MS4A14: variants seen among roughly 807,000 people sequenced by gnomAD.
The protein encoded by MS4A14 is membrane spanning 4-domains A14.
A neutral mutation model predicts 16.7 loss-of-function variants in MS4A14; 18 were observed. The observed-to-expected ratio is 1.08, with a 90% CI of 0.75 to 1.60. MS4A14 has a LOEUF of 1.60. Ranked by LOEUF, MS4A14 falls within the 40% of genes most tolerant of loss-of-function variation. MS4A14 has a pLI of 0.00. For synonymous variants in MS4A14, 305 were observed against 289.4 expected, an observed-to-expected ratio of 1.05 and a Z score of -0.55; for missense variants, 812 against 775.3, an observed-to-expected ratio of 1.05 and a Z score of -0.56.
chr11:60,401,878 A>C (rs1416221255), intron 3 of MS4A14, among the ~76,000 whole-genome samples: 1 of 152,178 alleles, frequency 6.6e-6, no homozygotes, highest in Admixed American at 6.5e-5. Context: ...TTGCAATAAA[A>C]ACCTGGGATT....
rs1565171745 is a variant in MS4A14 at position 60,396,640 on chromosome 11, CTG to C, written c.64_65del (p.Val22IlefsTer10). The C allele has an allele frequency of 6.2e-7, 1 of 1,613,948 alleles. No homozygotes were observed. The highest frequency in any genetic ancestry group is 8.5e-7 in the Non-Finnish European group (1 of 1,179,952). The stretch of plus-strand genomic sequence containing the variant: ...GTCATCACTATAAAACCAAACGAAA[CTG>C]TATTGACTGCATTTCCCTACAGACC... On this transcript the variant is annotated frameshift_variant, in exon 1 of 5. Transcript: ENST00000300187. LOFTEE classifies it high-confidence loss of function.
At position 60,396,532 on chromosome 11, in the gene MS4A14, G is replaced by T. The variant is rs1411449316; in HGVS notation, c.-47G>T. ...GGAGAGGTAGATCATGATTTGGGCGGCAATGTTTGCTCACTCTTTCCCTTA... is the reference window on the plus strand; with the variant it reads ...GGAGAGGTAGATCATGATTTGGGCGTCAATGTTTGCTCACTCTTTCCCTTA... On this transcript the variant is annotated 5_prime_UTR_variant, in exon 1 of 5. Transcript: ENST00000300187. 6.3e-7 allele frequency: 1 copy of T among 1,594,852 alleles called. No homozygotes were observed. The highest frequency in any genetic ancestry group is 1.2e-5 in the South Asian group (1 of 86,886).
chr11:60,399,749 TC>T (rs1356611680), intron 2 of MS4A14, among the ~76,000 whole-genome samples: 1 of 151,994 alleles, frequency 6.6e-6, no homozygotes, highest in East Asian at 1.9e-4. Context: ...GACTTGGCAA[TC>T]CAATGTGGGG....
At chr11:60,398,902 C>T (rs947674829) in intron 2 of MS4A14, among the ~76,000 whole-genome samples, 6 of 152,168 alleles carry the variant, frequency 3.9e-5, no homozygotes, top group Non-Finnish European at 7.3e-5. Context: ...ATCAAACAGA[C>T]CAACCCCTCA....
At chr11:60,405,198 G>A (rs1207575893) in intron 4 of MS4A14, among the ~76,000 whole-genome samples, 3 of 151,992 alleles carry the variant, frequency 2.0e-5, no homozygotes, top group East Asian at 1.9e-4. Context: ...TCCTGCCTCA[G>A]CCTCCCGAGT....
At position 60,416,885 on chromosome 11, in the gene MS4A14, G is replaced by T; in HGVS notation, c.1917G>T (p.Leu639=). Residue 639 remains leucine, a synonymous_variant, in exon 5 of 5, where the codon CTG becomes CTT. Transcript: ENST00000300187. The part of the protein sequence containing the change: ...QQAQVEKVPK[L]LCQDSESQIQ... ...CTCAGGTGGAGAAAGTGCCAAAACT[G>T]TTATGCCAAGATTCAGAATCCCAAA... The T allele has an allele frequency of 6.2e-7, 1 of 1,613,682 alleles. No homozygotes were observed. The highest frequency in any genetic ancestry group is 8.5e-7 in the Non-Finnish European group (1 of 1,179,760).
At position 60,397,926 on chromosome 11, in the gene MS4A14, C is replaced by T; in HGVS notation, c.213C>T (p.Ser71=). The change falls in exon 2 of 5, where the codon TCC becomes TCT. Residue 71 remains serine, a synonymous_variant. Coordinates refer to ENST00000300187, the MANE Select transcript of MS4A14 (RefSeq NM_032597.5). ...TIFALNYIGF[S]QRLPLVVLTG... ...TTGCACTTAATTACATCGGTTTCTCCCAAAGACTTCCCCTTGTTGTCCTCA... is the reference window on the plus strand; with the variant it reads ...TTGCACTTAATTACATCGGTTTCTCTCAAAGACTTCCCCTTGTTGTCCTCA... 6.2e-7 allele frequency: 1 copy of T among 1,613,502 alleles called. No individual in the cohort carries two copies. Among genetic ancestry groups the T allele is most frequent in the Non-Finnish European group, 8.5e-7 (1 of 1,179,558 alleles).
In MS4A14 at chr11:60,415,845, C is replaced by G; in HGVS notation, c.877C>G (p.Leu293Val). The change falls in exon 5 of 5, where the codon CTT becomes GTT. Residue 293 changes from leucine (L) to valine (V), a missense_variant. Coordinates refer to ENST00000300187, the MANE Select transcript of MS4A14 (RefSeq NM_032597.5). ...IVQPSQMQTK[L>V]LQDQAASLQV... Reference sequence around the variant, plus strand: ...ACAACCTTCTCAAATGCAAACCAAGCTTCTGCAGGACCAAGCTGCGTCACT... The same window carrying G: ...ACAACCTTCTCAAATGCAAACCAAGGTTCTGCAGGACCAAGCTGCGTCACT... 2.5e-6 allele frequency: 4 copies of G among 1,613,868 alleles called. No homozygotes were observed. Among genetic ancestry groups the G allele is most frequent in the Non-Finnish European group, 3.4e-6 (4 of 1,179,920 alleles).
chr11:60,412,354 T>C (rs1304529996), intron 4 of MS4A14, among the ~76,000 whole-genome samples: 1 of 151,706 alleles, frequency 6.6e-6, no homozygotes, highest in Admixed American at 6.6e-5. Flanking sequence ...GGTGAAGCCA[T>C]CTGATCCAGA....
chr11:60,396,496 G>T lies in MS4A14; in HGVS notation c.-83G>T. On this transcript the variant is annotated 5_prime_UTR_variant, in exon 1 of 5. An upstream start codon of the reference 5' UTR is lost. Coordinates refer to ENST00000300187, the MANE Select transcript of MS4A14 (RefSeq NM_032597.5). ...AAGGGCTCATCTCTGAGGGCTCCAT[G>T]TGACTCTGGTGGAGAGGTAGATCAT... 2.6e-6 allele frequency: 4 copies of T among 1,510,002 alleles called. No homozygotes were observed. Among genetic ancestry groups the T allele is most frequent in the Non-Finnish European group, 3.6e-6 (4 of 1,112,396 alleles). 93.5% of individuals were successfully genotyped at this position (1,510,002 alleles called of 1,614,324 possible). A position where few individuals can be genotyped will look rare whatever the true frequency, so the allele number is the denominator to read the frequency against.
Position 60,416,749 on chromosome 11 carries a change from A to G in MS4A14, c.1781A>G (p.Glu594Gly). ...GTTAAAGACCAGCAGACTGATAAGG[A>G]GCAAAACTCAAAGAAGCAAACCCAG... Reference protein sequence around the residue: ...GQVKDQQTDKEQNSKKQTQDQ... With the variant: ...GQVKDQQTDKGQNSKKQTQDQ... Residue 594 changes from glutamate (E) to glycine (G), a missense_variant, in exon 5 of 5, where the codon GAG becomes GGG. Glu to Gly is a moderately conservative substitution (Grantham distance 98). Transcript: ENST00000300187. 1 of 1,613,646 alleles carries G rather than the reference A, an allele frequency of 6.2e-7. No homozygotes were observed. Among genetic ancestry groups the G allele is most frequent in the Non-Finnish European group, 8.5e-7 (1 of 1,179,838 alleles).
At chr11:60,413,511 T>C (rs1157247586) in intron 4 of MS4A14, among the ~76,000 whole-genome samples, 5 of 152,064 alleles carry the variant, frequency 3.3e-5, no homozygotes, top group Non-Finnish European at 7.4e-5. Context: ...GAATGGGTAT[T>C]GGCTTTTGTC....
At chr11:60,403,515 A>G (rs540868206) in intron 4 of MS4A14, among the ~76,000 whole-genome samples, 117 of 152,362 alleles carry the variant, frequency 7.7e-4, no homozygotes, top group African/African-American at 2.8e-3. Context: ...AGATCAAAAT[A>G]CAGTGGGGGA....
rs1298211068 is a variant in MS4A14 at position 60,416,786 on chromosome 11, T to G, written c.1818T>G (p.Thr606=). ...NSKKQTQDQQ[T]EDQPAQEKKS... ...AGAAGCAAACCCAGGATCAGCAAACTGAAGACCAGCCGGCCCAAGAGAAGA... is the reference window on the plus strand; with the variant it reads ...AGAAGCAAACCCAGGATCAGCAAACGGAAGACCAGCCGGCCCAAGAGAAGA... Residue 606 remains threonine, a synonymous_variant, in exon 5 of 5, where the codon ACT becomes ACG. Coordinates refer to ENST00000300187, the MANE Select transcript of MS4A14 (RefSeq NM_032597.5). The G allele has an allele frequency of 6.2e-7, 1 of 1,613,576 alleles. No homozygotes were observed. Among genetic ancestry groups the G allele is most frequent in the Non-Finnish European group, 8.5e-7 (1 of 1,179,818 alleles).
Position 60,404,162 on chromosome 11 carries a change from G to A in MS4A14, c.468+1101G>A, listed in dbSNP as rs185649248. On this transcript the variant is annotated intron_variant, in intron 4 of 4. Transcript: ENST00000300187. Reference sequence around the variant, plus strand: ...TACGAGGAAGAACTTGTATATACCCGAAAGGGTTAAATCTCCAGATATATG... The same window carrying A: ...TACGAGGAAGAACTTGTATATACCCAAAAGGGTTAAATCTCCAGATATATG... Among the ~76,000 whole-genome samples the A allele has an allele frequency of 5.9e-5, 9 of 152,348 alleles. No homozygotes were observed. In the East Asian group the frequency reaches 1.2e-3, roughly 20 times the overall value.
chr11:60,405,370 C>T (rs187383475), intron 4 of MS4A14, among the ~76,000 whole-genome samples: 184 of 152,274 alleles, frequency 1.2e-3, no homozygotes, highest in Non-Finnish European at 2.1e-3. Context: ...TGAGCCACCG[C>T]GCCCGGCCAA....
intron 4 of MS4A14, among the ~76,000 whole-genome samples, chr11:60,413,448 GT>G (rs1002147683): frequency 3.1e-4 from 47 of 151,850 alleles, no homozygotes; most frequent in African/African-American, 8.2e-4. Context: ...GATGTTTTTT[GT>G]AGGTTTTTTA....
intron 2 of MS4A14, among the ~76,000 whole-genome samples, chr11:60,399,957 G>C (rs1186915543): frequency 6.6e-6 from 1 of 152,050 alleles, no homozygotes; most frequent in Non-Finnish European, 1.5e-5. Flanking sequence ...GTGGTACTAG[G>C]CTCTACGATC....
chr11:60,399,877 G>T (rs762126289), intron 2 of MS4A14, among the ~76,000 whole-genome samples: 21 of 152,138 alleles, frequency 1.4e-4, no homozygotes, highest in Middle Eastern at 6.8e-3. Flanking sequence ...CACAGAGAAG[G>T]TTCCCATCCC....
Sources: allele counts gnomAD v4.1 joint callset (sites outside exome capture counted in the v4.1 genomes callset), GRCh38; gene constraint gnomAD v4.1.1; transcripts MANE v1.5; gene names NCBI Gene and HGNC (gene_info 2026-07-23, HGNC 2026-07-21).